The following NCK1 variants were observed in gnomAD, a reference collection of about 807,000 sequenced individuals.
NCK1 encodes NCK adaptor protein 1.
A neutral mutation model predicts 36.6 loss-of-function variants in NCK1; 19 were observed. That is an observed-to-expected ratio of 0.52 (90% CI 0.36 to 0.76). The LOEUF (loss-of-function observed/expected upper bound fraction) is 0.76. Among genes scored for constraint, NCK1 ranks in the 30% least tolerant of loss-of-function variants. The pLI is 0.00. For synonymous variants in NCK1, 165 were observed against 156.0 expected (o/e 1.06, Z -0.43); for missense variants, 358 against 445.6 (o/e 0.80, Z 1.77).
At chr3:136,894,582 G>A (rs1051953097) in intron 1 of NCK1, among the ~76,000 whole-genome samples, 2 of 152,112 alleles carry the variant, frequency 1.3e-5, no homozygotes, top group African/African-American at 4.8e-5. Flanking sequence ...TTTAGTTTGA[G>A]GTGATGTTAA....
At chr3:136,891,292 G>A (rs1400291885) in intron 1 of NCK1, among the ~76,000 whole-genome samples, 1 of 151,850 alleles carries the variant, frequency 6.6e-6, no homozygotes, top group East Asian at 1.9e-4. Flanking sequence ...GGGCCACCAT[G>A]CCTGGTTAAT....
At chr3:136,877,282 A>G (rs968939157) in intron 1 of NCK1, among the ~76,000 whole-genome samples, 1 of 152,196 alleles carries the variant, frequency 6.6e-6, no homozygotes, top group Admixed American at 6.5e-5. Context: ...AAAATAATCA[A>G]TTCTTGAGTG....
At chr3:136,901,818 T>C (rs1341754129) in intron 1 of NCK1, among the ~76,000 whole-genome samples, 1 of 152,166 alleles carries the variant, frequency 6.6e-6, no homozygotes, top group Non-Finnish European at 1.5e-5. Context: ...TTTCAAAAAA[T>C]CAGCTTTTTG....
intron 1 of NCK1, among the ~76,000 whole-genome samples, chr3:136,872,864 C>A (rs571199273): frequency 3.3e-5 from 5 of 152,330 alleles, no homozygotes; most frequent in African/African-American, 9.6e-5. Context: ...GCTGCAAGTG[C>A]ACAGAAGTCA....
chr3:136,940,455 G>T (rs915328062), intron 2 of NCK1, among the ~76,000 whole-genome samples: 2 of 151,964 alleles, frequency 1.3e-5, no homozygotes, highest in Admixed American at 1.3e-4. Flanking sequence ...CTCTTGTTAG[G>T]TATGCATATA....
chr3:136,938,061 A>G (rs1428274154), intron 2 of NCK1, among the ~76,000 whole-genome samples: 1 of 152,150 alleles, frequency 6.6e-6, no homozygotes, highest in Non-Finnish European at 1.5e-5. Context: ...GCCCTTTATT[A>G]TATTGAGGAA....
intron 2 of NCK1, chr3:136,930,557 C>T: frequency 6.8e-7 from 1 of 1,468,072 alleles, no homozygotes; most frequent in Non-Finnish European, 9.0e-7. Flanking sequence ...AATTTTTACT[C>T]AAAATGGATT....
chr3:136,899,470 C>G (rs1481669040), intron 1 of NCK1: 2 of 310,878 alleles, frequency 6.4e-6, no homozygotes, highest in East Asian at 1.6e-4. Flanking sequence ...ATAGAGGAGT[C>G]TTTGTCATTA....
intron 1 of NCK1, among the ~76,000 whole-genome samples, chr3:136,886,428 T>C (rs1939075808): frequency 6.6e-6 from 1 of 152,210 alleles, no homozygotes; most frequent in African/African-American, 2.4e-5. Context: ...ATACTCGAAC[T>C]CATCTCTAGA....
At chr3:136,874,726 G>GT (rs772508754) in intron 1 of NCK1, among the ~76,000 whole-genome samples, 38 of 151,334 alleles carry the variant, frequency 2.5e-4, no homozygotes, top group East Asian at 9.7e-4. Flanking sequence ...TGTTTGTTTT[G>GT]TTTTTTGTTT....
At chr3:136,927,922 G>T in intron 1 of NCK1, 62 bp from the exon 2 acceptor site, 1 of 1,195,938 alleles carries the variant, frequency 8.4e-7, no homozygotes, top group South Asian at 1.4e-5. Context: ...TGTCTCTTTT[G>T]AAAAGCATGT....
intron 1 of NCK1, among the ~76,000 whole-genome samples, chr3:136,876,313 C>T (rs904069541): frequency 1.8e-4 from 28 of 152,078 alleles, no homozygotes; most frequent in Non-Finnish European, 3.2e-4. Flanking sequence ...CAGAGCAGAA[C>T]TGAAAGAAAT....
At chr3:136,887,533 A>G (rs1011079009) in intron 1 of NCK1, among the ~76,000 whole-genome samples, 1 of 152,236 alleles carries the variant, frequency 6.6e-6, no homozygotes, top group Admixed American at 6.5e-5. Context: ...GTGCCTTAGT[A>G]TCGACTTGCA....
chr3:136,864,828 G>T (rs975375066), intron 1 of NCK1, among the ~76,000 whole-genome samples: 1 of 146,934 alleles, frequency 6.8e-6, no homozygotes, highest in Non-Finnish European at 1.5e-5. Context: ...CACGATCTTG[G>T]CTCACTGCAA....
chr3:136,895,086 G>C (rs1187838483), intron 1 of NCK1, among the ~76,000 whole-genome samples: 2 of 152,054 alleles, frequency 1.3e-5, no homozygotes, highest in Non-Finnish European at 2.9e-5. Context: ...TCTTGGTCAG[G>C]CTGGTCTCGA....
intron 2 of NCK1, among the ~76,000 whole-genome samples, chr3:136,943,145 T>C (rs1383419644): frequency 4.6e-5 from 7 of 152,176 alleles, no homozygotes; most frequent in Non-Finnish European, 8.8e-5. Context: ...TATAAGTTTT[T>C]TTTTTTTACT....
intron 1 of NCK1, among the ~76,000 whole-genome samples, chr3:136,885,170 G>A (rs989019595): frequency 2.0e-5 from 3 of 152,148 alleles, no homozygotes; most frequent in Non-Finnish European, 4.4e-5. Context: ...CTTAAGCAAG[G>A]AAACAGGAAT....
chr3:136,883,938 G>A (rs1335503683), intron 1 of NCK1, among the ~76,000 whole-genome samples: 2 of 152,138 alleles, frequency 1.3e-5, no homozygotes, highest in Admixed American at 1.3e-4. Flanking sequence ...AAAGAGGATA[G>A]AAGAGCTGGA....
intron 1 of NCK1, among the ~76,000 whole-genome samples, chr3:136,924,318 G>A (rs538448438): frequency 6.6e-6 from 1 of 152,264 alleles, no homozygotes; most frequent in African/African-American, 2.4e-5. Context: ...TAGGAGATAG[G>A]GGGGATAGAG....
Sources: gnomAD v4.1 joint callset for allele counts (sites outside exome capture counted in the v4.1 genomes callset) on GRCh38, gnomAD v4.1.1 for gene constraint, MANE v1.5 for transcripts, NCBI Gene and HGNC (gene_info 2026-07-23, HGNC 2026-07-21) for gene names.